WDHD1: variants seen among roughly 807,000 people sequenced by gnomAD.
The protein encoded by WDHD1 is WD repeat and HMG-box DNA binding protein 1.
In WDHD1, 111 loss-of-function variants were observed where a neutral mutation model predicts 135.4. The observed-to-expected ratio is 0.82, with a 90% CI of 0.70 to 0.96. WDHD1 has a LOEUF of 0.96. Ranked by LOEUF, WDHD1 falls within the 40% of genes least tolerant of loss-of-function variation. WDHD1 has a pLI of 0.00. For synonymous variants in WDHD1, 434 were observed against 439.0 expected, an observed-to-expected ratio of 0.99 and a Z score of 0.14; for missense variants, 1,351 against 1,336.3, an observed-to-expected ratio of 1.01 and a Z score of -0.17.
At chr14:55,010,699 T>C (rs935132891) in intron 3 of WDHD1, among the ~76,000 whole-genome samples, 2 of 152,240 alleles carry the variant, frequency 1.3e-5, no homozygotes, top group African/African-American at 4.8e-5. Flanking sequence ...AATTTTTCTT[T>C]TACTTCTGGT....
chr14:54,983,602 G>A (rs1241145889), intron 15 of WDHD1, among the ~76,000 whole-genome samples: 1 of 152,038 alleles, frequency 6.6e-6, no homozygotes, highest in Non-Finnish European at 1.5e-5. Flanking sequence ...GAACCCGGAA[G>A]GCAGAGGTTG....
intron 18 of WDHD1, 97 bp downstream of exon 18, chr14:54,966,378 G>A (rs2041345194): frequency 2.9e-6 from 4 of 1,376,532 alleles, no homozygotes; most frequent in Non-Finnish European, 3.8e-6. Flanking sequence ...AAGAATCTTA[G>A]GTTGTGGGAC....
intron 3 of WDHD1, among the ~76,000 whole-genome samples, chr14:55,011,895 A>G (rs893918065): frequency 2.6e-5 from 4 of 152,056 alleles, no homozygotes; most frequent in African/African-American, 9.7e-5. Flanking sequence ...GACATTTGCT[A>G]TTGTTATGAA....
chr14:54,985,522 T>C (rs1287116576), intron 14 of WDHD1, among the ~76,000 whole-genome samples: 1 of 152,198 alleles, frequency 6.6e-6, no homozygotes, highest in Non-Finnish European at 1.5e-5. Context: ...AAGGTCAGAT[T>C]ATACGGGATC....
chr14:54,996,458 G>A (rs1205695093), intron 10 of WDHD1, among the ~76,000 whole-genome samples: 3 of 151,864 alleles, frequency 2.0e-5, no homozygotes, highest in Non-Finnish European at 2.9e-5. Flanking sequence ...AAATTAGCCA[G>A]GCATGGTGGC....
chr14:55,008,900 G>C (rs772178779), intron 4 of WDHD1, among the ~76,000 whole-genome samples, 181 bp from the exon 5 acceptor site: 3 of 151,636 alleles, frequency 2.0e-5, no homozygotes, highest in African/African-American at 4.8e-5. Context: ...AGGTTCAAGC[G>C]ATTCTCCTGC....
intron 23 of WDHD1, among the ~76,000 whole-genome samples, chr14:54,955,895 CTTTTTTT>C (rs71131243): frequency 4.5e-5 from 5 of 110,096 alleles, no homozygotes; most frequent in African/African-American, 1.5e-4. Flanking sequence ...CCATGTTTTC[CTTTTTTT>C]TTTTTTTTTT....
At chr14:54,969,856 C>G (rs928700140) in intron 16 of WDHD1, among the ~76,000 whole-genome samples, 1 of 152,168 alleles carries the variant, frequency 6.6e-6, no homozygotes, top group Admixed American at 6.5e-5. Flanking sequence ...TACACCACAA[C>G]CAGTAGGTTT....
chr14:54,999,380 A>G (rs1420568472), intron 10 of WDHD1, among the ~76,000 whole-genome samples: 1 of 152,164 alleles, frequency 6.6e-6, no homozygotes, highest in Non-Finnish European at 1.5e-5. Flanking sequence ...CTTTGAACAC[A>G]GATGTTGAGA....
chr14:54,962,231 A>T (rs1012576337), intron 21 of WDHD1, among the ~76,000 whole-genome samples: 3 of 152,196 alleles, frequency 2.0e-5, no homozygotes, highest in African/African-American at 7.2e-5. Context: ...GGGCTAAAAT[A>T]GCATTAAAAC....
chr14:54,995,521 CAAT>C, intron 11 of WDHD1, 79 bp downstream of exon 11: 3 of 1,084,092 alleles, frequency 2.8e-6, no homozygotes, highest in Non-Finnish European at 3.8e-6. Context: ...TCTACAAATT[CAAT>C]AATGACTTTA....
At chr14:55,008,774 T>G (rs2042115063) in intron 4 of WDHD1, 55 bp from the exon 5 acceptor site, 5 of 1,047,332 alleles carry the variant, frequency 4.8e-6, no homozygotes, top group Non-Finnish European at 7.2e-6. Context: ...AGGCCTCTCC[T>G]AAAAGCTATG....
chr14:54,941,125 C>T lies in WDHD1; in HGVS notation c.*365G>A, dbSNP rs1178034513. ...GACTATTGTCCTTCCTTGCACATGA[C>T]AAAAACCAAATGAACCAAACCCCTA... On this transcript the variant is annotated 3_prime_UTR_variant, in exon 26 of 26. Transcript: ENST00000360586. The T allele has an allele frequency of 6.1e-6, 1 of 164,356 alleles. No individual in the cohort carries two copies. The highest frequency in any genetic ancestry group is 1.3e-5 in the Non-Finnish European group (1 of 75,888). The allele number at this position is 164,356 out of a possible 1,614,324, so 10.2% of individuals were successfully genotyped here.
At chr14:55,008,141 A>G (rs1049880013) in intron 6 of WDHD1, among the ~76,000 whole-genome samples, 175 bp downstream of exon 6, 2 of 152,268 alleles carry the variant, frequency 1.3e-5, no homozygotes, top group Non-Finnish European at 2.9e-5. Flanking sequence ...TTAGTCTTCA[A>G]CGTATTTATT....
intron 18 of WDHD1, among the ~76,000 whole-genome samples, chr14:54,966,082 AC>A (rs2041336117): frequency 6.7e-6 from 1 of 149,398 alleles, no homozygotes; most frequent in African/African-American, 2.5e-5. Flanking sequence ...TAATCCCAGC[AC>A]TTTGGGAGGC....
rs754373627 is a variant in WDHD1 at position 55,007,325 on chromosome 14, A to C, written c.555T>G (p.Asn185Lys). 6.2e-7 allele frequency: 1 copy of C among 1,607,306 alleles called. No individual in the cohort carries two copies. Among genetic ancestry groups the C allele is most frequent in the African/African-American group, 1.3e-5 (1 of 74,734 alleles). Residue 185 changes from asparagine (N) to lysine (K), a missense_variant, in exon 7 of 26, where the codon AAT becomes AAG. Transcript: ENST00000360586. The stretch of plus-strand genomic sequence containing the variant: ...AAGCAAGTCTGCAGATTGATTTTGC[A>C]TTTATCACATCGTTGCATTTTTGTA... Reference protein sequence around the residue: ...PLLQKCNDVINAKSICRLAWQ... With the variant: ...PLLQKCNDVIKAKSICRLAWQ...
chr14:54,976,104 G>C (rs574951075), intron 16 of WDHD1, among the ~76,000 whole-genome samples: 30 of 152,252 alleles, frequency 2.0e-4, no homozygotes, highest in Admixed American at 5.2e-4. Flanking sequence ...AGTGTCACTC[G>C]AGAGCTCGAG....
At chr14:54,981,036 G>A (rs1025483554) in intron 16 of WDHD1, among the ~76,000 whole-genome samples, 3 of 151,606 alleles carry the variant, frequency 2.0e-5, no homozygotes, top group Non-Finnish European at 2.9e-5. Context: ...GTGTGATCCC[G>A]TGAGGCGGAG....
intron 16 of WDHD1, among the ~76,000 whole-genome samples, chr14:54,971,712 CA>C (rs1195129802): frequency 5.8e-3 from 247 of 42,268 alleles, no homozygotes; most frequent in East Asian, 7.8e-3. Context: ...GACTCTGCCT[CA>C]AAAAAAAAAA....
Sources: gnomAD v4.1 joint callset for allele counts (sites outside exome capture counted in the v4.1 genomes callset) on GRCh38, gnomAD v4.1.1 for gene constraint, MANE v1.5 for transcripts, NCBI Gene and HGNC (gene_info 2026-07-23, HGNC 2026-07-21) for gene names.